The following MTMR6 variants were observed in gnomAD, a reference collection of about 807,000 sequenced individuals.
MTMR6 encodes phosphatidylinositol-3,5-bisphosphate 3-phosphatase MTMR6.
In MTMR6, 47 loss-of-function variants were observed where a neutral mutation model predicts 80.1. The ratio of observed to expected loss-of-function variants is 0.59; its 90% CI spans 0.46 to 0.75. The LOEUF (loss-of-function observed/expected upper bound fraction) is 0.75. Ranked by LOEUF, MTMR6 falls within the 30% of genes least tolerant of loss-of-function variation. MTMR6 has a pLI of 0.00. For synonymous variants in MTMR6, 254 were observed against 253.0 expected, an observed-to-expected ratio of 1.00 and a Z score of -0.04; for missense variants, 629 against 730.9, an observed-to-expected ratio of 0.86 and a Z score of 1.61.
At position 25,247,389 on chromosome 13, in the gene MTMR6, G is replaced by A. The variant is rs181095726; in HGVS notation, c.*1843C>T. 10 of 152,700 alleles carry A rather than the reference G, an allele frequency of 6.5e-5. No homozygotes were observed. Among genetic ancestry groups the A allele is most frequent in the African/African-American group, 2.4e-4 (10 of 41,550 alleles). 9.5% of individuals were successfully genotyped at this position (152,700 alleles called of 1,614,324 possible). On this transcript the variant is annotated 3_prime_UTR_variant, in exon 14 of 14. Transcript: ENST00000381801. ...TAAGACATATACACAGTCTGCTTTT[G>A]CCAACATATACCCTGTAGGTCACTT...
At chr13:25,282,293 C>T (rs1285366498) in intron 1 of MTMR6, among the ~76,000 whole-genome samples, 1 of 152,190 alleles carries the variant, frequency 6.6e-6, no homozygotes, top group South Asian at 2.1e-4. Context: ...CCCTCCTCAA[C>T]CCTCATACTC....
rs958985016 is a variant in MTMR6 at position 25,251,517 on chromosome 13, G to C, written c.1605+132C>G. On this transcript the variant is annotated intron_variant, in intron 13 of 13. Coordinates refer to ENST00000381801, the MANE Select transcript of MTMR6 (RefSeq NM_004685.5). The surrounding 1 kb of genome is among the most constrained non-coding windows in gnomAD (Gnocchi z 4.1). ...CGAACTAACGTATTCAATCAAAGTAGGGATGACCTGATTTTGAAGAAACTG... is the reference window on the plus strand; with the variant it reads ...CGAACTAACGTATTCAATCAAAGTACGGATGACCTGATTTTGAAGAAACTG... 10 of 754,100 alleles carry C rather than the reference G, an allele frequency of 1.3e-5. No individual in the cohort carries two copies. In the African/African-American group the frequency reaches 1.8e-4, roughly 14 times the overall value. 46.7% of individuals were successfully genotyped at this position (754,100 alleles called of 1,614,324 possible).
At chr13:25,269,341 A>T (rs1957519706) in intron 2 of MTMR6, among the ~76,000 whole-genome samples, 1 of 152,206 alleles carries the variant, frequency 6.6e-6, no homozygotes, top group African/African-American at 2.4e-5. Flanking sequence ...TATCACAATA[A>T]GAGTTTACTA....
chr13:25,267,359 C>G (rs1020060950), intron 3 of MTMR6, among the ~76,000 whole-genome samples: 6 of 152,096 alleles, frequency 3.9e-5, no homozygotes, highest in Admixed American at 1.3e-4. Flanking sequence ...CTGTATCTCC[C>G]ACTCAAATCT....
rs1366575489 is a variant in MTMR6, at chr13:25,257,854, G to A, written c.860-9C>T. 6.3e-7 allele frequency: 1 copy of A among 1,585,446 alleles called. No homozygotes were observed. Among genetic ancestry groups the A allele is most frequent in the East Asian group, 2.3e-5 (1 of 44,434 alleles). ...CCCTTTAGTGCCATTGACTGAAAGA[G>A]GTATAAAAATATTTCAATTAGAATA... is the stretch of plus-strand genomic sequence containing the variant. On this transcript the variant is annotated splice_polypyrimidine_tract_variant and intron_variant, in intron 7 of 13. Coordinates refer to ENST00000381801, the MANE Select transcript of MTMR6 (RefSeq NM_004685.5).
intron 9 of MTMR6, among the ~76,000 whole-genome samples, chr13:25,254,836 A>G (rs1957162623): frequency 6.6e-6 from 1 of 150,846 alleles, no homozygotes; most frequent in African/African-American, 2.4e-5. Flanking sequence ...GATATTTTAA[A>G]ACTTTTGGCT....
rs927029572 is a variant in MTMR6, at chr13:25,246,929, G to A, written c.*2303C>T. On this transcript the variant is annotated 3_prime_UTR_variant, in exon 14 of 14. Transcript: ENST00000381801. ...TGCCTTTGGAGAGACATTTCACCTC[G>A]AATGTTTGTACTCAATGGACCCTGC... The A allele has an allele frequency of 2.0e-5, 3 of 152,008 alleles. No individual in the cohort carries two copies. Among genetic ancestry groups the A allele is most frequent in the Non-Finnish European group, 4.4e-5 (3 of 67,996 alleles). The allele number at this position is 152,008 out of a possible 1,614,324, so 9.4% of individuals were successfully genotyped here.
At chr13:25,272,091 A>C (rs1461045091) in intron 2 of MTMR6, among the ~76,000 whole-genome samples, 1 of 152,210 alleles carries the variant, frequency 6.6e-6, no homozygotes, top group Non-Finnish European at 1.5e-5. Context: ...ACAGTCAATA[A>C]ATGGCGCCGG....
Position 25,251,009 on chromosome 13 carries a change from CTT to C in MTMR6, c.1605+638_1605+639del, listed in dbSNP as rs5802321. Among the ~76,000 whole-genome samples, 3 of 151,178 alleles carry C rather than the reference CTT, an allele frequency of 2.0e-5. No individual in the cohort carries two copies. Among genetic ancestry groups the C allele is most frequent in the South Asian group, 2.1e-4 (1 of 4,768 alleles). On this transcript the variant is annotated intron_variant, in intron 13 of 13. Coordinates refer to ENST00000381801, the MANE Select transcript of MTMR6 (RefSeq NM_004685.5). The surrounding 1 kb of genome is among the most constrained non-coding windows in gnomAD (Gnocchi z 4.1). ...CTTCAAATAGATCTATGTTTTATTT[CTT>C]TTTTTTTTGTTTGTTTTTGTTTTGA...
At chr13:25,263,609 A>G (rs1029742933) in intron 5 of MTMR6, among the ~76,000 whole-genome samples, 1 of 152,196 alleles carries the variant, frequency 6.6e-6, no homozygotes, top group African/African-American at 2.4e-5. Flanking sequence ...TCCCAAAGCC[A>G]GGCACGGTGG....
At chr13:25,285,228 A>T (rs768341344) in intron 1 of MTMR6, among the ~76,000 whole-genome samples, 10 of 152,252 alleles carry the variant, frequency 6.6e-5, no homozygotes, top group Non-Finnish European at 1.5e-4. Context: ...AAATAAAAAC[A>T]AAGATATATA....
chr13:25,257,071 C>G lies in MTMR6; in HGVS notation c.1095+125G>C, dbSNP rs1224580732. On this transcript the variant is annotated intron_variant, in intron 9 of 13. Transcript: ENST00000381801. ...TAGTTAGCAATATCCCTGGCCACTCCCACGGATGCCAGTCTCATCATTTCC... is the reference window on the plus strand; with the variant it reads ...TAGTTAGCAATATCCCTGGCCACTCGCACGGATGCCAGTCTCATCATTTCC... 4 of 1,070,480 alleles carry G rather than the reference C, an allele frequency of 3.7e-6. No homozygotes were observed. The East Asian group carries it at 1.1e-4, about 29-fold the overall frequency. The allele number at this position is 1,070,480 out of a possible 1,614,324, so 66.3% of individuals were successfully genotyped here. A position where few individuals can be genotyped will look rare whatever the true frequency, so the allele number is the denominator to read the frequency against.
intron 9 of MTMR6, 105 bp downstream of exon 9, chr13:25,257,091 A>G: frequency 8.2e-7 from 1 of 1,218,086 alleles, no homozygotes; most frequent in Non-Finnish European, 1.1e-6. Flanking sequence ...CAGTCTCATC[A>G]TTTCCTTTAG....
At chr13:25,279,943 C>T (rs551438412) in intron 1 of MTMR6, among the ~76,000 whole-genome samples, 34 of 152,182 alleles carry the variant, frequency 2.2e-4, no homozygotes, top group African/African-American at 7.7e-4. Flanking sequence ...CTTGTAAGAT[C>T]ATTCCAGTGT....
chr13:25,249,997 G>A (rs1209825677), intron 13 of MTMR6, among the ~76,000 whole-genome samples: 2 of 152,158 alleles, frequency 1.3e-5, no homozygotes, highest in Non-Finnish European at 2.9e-5. Context: ...AAAGTGTCCT[G>A]TGGCAGAGTA....
rs149218149 is a variant in MTMR6, at chr13:25,257,247, G to T, written c.1044C>A (p.Ser348=). 6.2e-7 allele frequency: 1 copy of T among 1,613,726 alleles called. No individual in the cohort carries two copies. The change falls in exon 9 of 14, where the codon TCC becomes TCA. Residue 348 remains serine, a synonymous_variant. Coordinates refer to ENST00000381801, the MANE Select transcript of MTMR6 (RefSeq NM_004685.5). ...AGGAATCCAATAAAAGAGAACCCAG[G>T]GAACAAACCTGGGAAGTCCTATCCC... The part of the protein sequence containing the change: ...DGWDRTSQVC[S]LGSLLLDSYY...
At chr13:25,274,606 C>A (rs1957664867) in intron 1 of MTMR6, among the ~76,000 whole-genome samples, 1 of 151,900 alleles carries the variant, frequency 6.6e-6, no homozygotes, top group Non-Finnish European at 1.5e-5. Flanking sequence ...AAATGGTTGC[C>A]AACTCCAACT....
intron 6 of MTMR6, 135 bp downstream of exon 6, chr13:25,261,533 C>T: frequency 1.1e-5 from 8 of 733,236 alleles, no homozygotes; most frequent in South Asian, 3.7e-5. Context: ...GATTGATTTC[C>T]TTAGTATCAT....
At chr13:25,279,847 A>C (rs547754156) in intron 1 of MTMR6, among the ~76,000 whole-genome samples, 3 of 152,368 alleles carry the variant, frequency 2.0e-5, no homozygotes, top group African/African-American at 7.2e-5. Context: ...ATGAAAAAAA[A>C]ACCATATGTT....
Sources: gnomAD v4.1 joint callset for allele counts (sites outside exome capture counted in the v4.1 genomes callset) on GRCh38, gnomAD v4.1.1 for gene constraint, Gnocchi (gnomAD v3.1) non-coding constraint, MANE v1.5 for transcripts, NCBI Gene and HGNC (gene_info 2026-07-23, HGNC 2026-07-21) for gene names.